CCDC91: variants seen among roughly 807,000 people sequenced by gnomAD.
CCDC91 encodes the protein coiled-coil domain-containing protein 91.
A neutral mutation model predicts 63.2 loss-of-function variants in CCDC91; 48 were observed. That is an observed-to-expected ratio of 0.76 (90% CI 0.60 to 0.97). CCDC91 has a LOEUF of 0.97. Among genes scored for constraint, CCDC91 ranks in the 50% least tolerant of loss-of-function variants. The pLI is 0.00. For missense variants in CCDC91, 500 were observed against 494.6 expected (o/e 1.01, Z -0.10); for synonymous variants, 167 against 165.8 (o/e 1.01, Z -0.06).
chr12:28,352,279 T>C (rs1943232589), intron 6 of CCDC91, among the ~76,000 whole-genome samples: 2 of 152,196 alleles, frequency 1.3e-5, no homozygotes, highest in Admixed American at 1.3e-4. Flanking sequence ...GTGTGGCTGT[T>C]GCAGTTTCTT....
intron 12 of CCDC91, among the ~76,000 whole-genome samples, chr12:28,486,395 T>A (rs1007243546): frequency 1.3e-5 from 2 of 152,188 alleles, no homozygotes; most frequent in African/African-American, 4.8e-5. Context: ...GGATATTTAG[T>A]TATTTCCACA....
At chr12:28,335,282 T>C (rs1941865141) in intron 6 of CCDC91, among the ~76,000 whole-genome samples, 1 of 134,626 alleles carries the variant, frequency 7.4e-6, no homozygotes, top group Non-Finnish European at 1.6e-5. Context: ...ATATAATACA[T>C]ATTATATATA....
chr12:28,321,921 G>GTA (rs1336530409), intron 6 of CCDC91, among the ~76,000 whole-genome samples: 3 of 151,552 alleles, frequency 2.0e-5, no homozygotes, highest in South Asian at 4.2e-4. Context: ...TATACGTATA[G>GTA]TATATATATG....
intron 11 of CCDC91, among the ~76,000 whole-genome samples, chr12:28,460,310 A>G (rs1428318724): frequency 6.6e-6 from 1 of 152,114 alleles, no homozygotes; most frequent in African/African-American, 2.4e-5. Flanking sequence ...GTTCTCTCAT[A>G]TGAGACTGTA....
At chr12:28,200,886 G>A (rs1253893377) in intron 1 of CCDC91, among the ~76,000 whole-genome samples, 4 of 151,242 alleles carry the variant, frequency 2.6e-5, no homozygotes, top group South Asian at 2.1e-4. Flanking sequence ...CAGACAGGGC[G>A]GCTGGCCGGG....
intron 1 of CCDC91, among the ~76,000 whole-genome samples, chr12:28,254,514 G>C (rs1296936098): frequency 6.6e-6 from 1 of 152,024 alleles, no homozygotes; most frequent in African/African-American, 2.4e-5. Context: ...GCCCACATTT[G>C]TATATTTCCT....
intron 3 of CCDC91, among the ~76,000 whole-genome samples, chr12:28,264,585 C>CTGTGTG (rs34854850): frequency 0.42 from 58,093 of 136,934 alleles, 12,494 homozygotes; most frequent in East Asian, 0.59. Context: ...ATATGTCTGT[C>CTGTGTG]TGTGTGTGTG....
At chr12:28,304,433 A>G (rs970739170) in intron 3 of CCDC91, among the ~76,000 whole-genome samples, 11 of 148,012 alleles carry the variant, frequency 7.4e-5, no homozygotes, top group African/African-American at 2.5e-4. Context: ...AGAAATGCCT[A>G]TGGGTGAAGC....
intron 6 of CCDC91, among the ~76,000 whole-genome samples, chr12:28,358,046 C>G (rs548918601): frequency 6.6e-6 from 1 of 152,234 alleles, no homozygotes; most frequent in Admixed American, 6.5e-5. Flanking sequence ...CCATTAGTAA[C>G]TTTGAAGTAA....
intron 1 of CCDC91, among the ~76,000 whole-genome samples, chr12:28,204,595 A>G (rs1163004024): frequency 6.6e-6 from 1 of 152,156 alleles, no homozygotes; most frequent in Non-Finnish European, 1.5e-5. Flanking sequence ...TTGTGAGGGA[A>G]AGTCATGTTA....
chr12:28,502,347 A>C (rs1938028552), intron 12 of CCDC91, among the ~76,000 whole-genome samples: 1 of 152,046 alleles, frequency 6.6e-6, no homozygotes. Context: ...TTCAAAGAGA[A>C]TAAAGTACCT....
intron 1 of CCDC91, among the ~76,000 whole-genome samples, chr12:28,207,758 G>T (rs1185944601): frequency 6.6e-6 from 1 of 152,106 alleles, no homozygotes; most frequent in African/African-American, 2.4e-5. Flanking sequence ...TCCGTGATGA[G>T]TCATGGAATG....
intron 8 of CCDC91, among the ~76,000 whole-genome samples, chr12:28,429,467 C>CT (rs1336390420): frequency 6.6e-6 from 1 of 151,770 alleles, no homozygotes; most frequent in East Asian, 1.9e-4. Flanking sequence ...CTTTAATAAG[C>CT]TAGTAACATT....
intron 1 of CCDC91, among the ~76,000 whole-genome samples, chr12:28,231,077 C>A (rs1944560821): frequency 6.6e-6 from 1 of 152,140 alleles, no homozygotes; most frequent in South Asian, 2.1e-4. Context: ...ACTAGAGGCT[C>A]TAAGAAATAG....
chr12:28,197,681 A>G (rs1380215116), intron 1 of CCDC91, among the ~76,000 whole-genome samples: 3 of 152,080 alleles, frequency 2.0e-5, no homozygotes, highest in Admixed American at 6.5e-5. Context: ...GGTATTTTGT[A>G]TATATTATGT....
At chr12:28,348,326 C>T (rs182565336) in intron 6 of CCDC91, among the ~76,000 whole-genome samples, 3 of 152,146 alleles carry the variant, frequency 2.0e-5, no homozygotes, top group Non-Finnish European at 4.4e-5. Context: ...TTCCTACTGG[C>T]ATTATGTATC....
intron 1 of CCDC91, among the ~76,000 whole-genome samples, chr12:28,224,361 A>C (rs1389067820): frequency 2.0e-5 from 3 of 152,156 alleles, no homozygotes; most frequent in Non-Finnish European, 4.4e-5. Context: ...TGTGTAAATC[A>C]ATAGTTTTTA....
intron 1 of CCDC91, among the ~76,000 whole-genome samples, chr12:28,249,885 G>T (rs1159689108): frequency 6.6e-6 from 1 of 152,066 alleles, no homozygotes; most frequent in African/African-American, 2.4e-5. Flanking sequence ...TGCCAGATAA[G>T]AATACAGTTC....
chr12:28,402,407 GT>G (rs1211268495), intron 8 of CCDC91, among the ~76,000 whole-genome samples: 1 of 151,418 alleles, frequency 6.6e-6, no homozygotes, highest in Non-Finnish European at 1.5e-5. Context: ...ATGTTAATGT[GT>G]TTTAAATTTC....
Sources: allele counts gnomAD v4.1 joint callset (sites outside exome capture counted in the v4.1 genomes callset), GRCh38; gene constraint gnomAD v4.1.1; transcripts MANE v1.5; gene names NCBI Gene and HGNC (gene_info 2026-07-23, HGNC 2026-07-21).